Variants in XRCC6 observed in about 807,000 individuals in gnomAD.
XRCC6 encodes X-ray repair cross complementing 6.
In XRCC6, 5 loss-of-function variants were observed where a neutral mutation model predicts 65.7. The observed-to-expected ratio is 0.08, with a 90% CI of 0.04 to 0.16. XRCC6 has a LOEUF of 0.16. Among genes scored for constraint, XRCC6 ranks in the 10% least tolerant of loss-of-function variants. The probability of loss-of-function intolerance (pLI) is 1.00; values close to 1 mark genes in which losing one functional copy is unlikely to be tolerated. For synonymous variants in XRCC6, 270 were observed against 270.6 expected, an observed-to-expected ratio of 1.00 and a Z score of 0.02; for missense variants, 447 against 738.1, an observed-to-expected ratio of 0.61 and a Z score of 4.57.
In XRCC6 at chr22:41,650,676, T is replaced by C. The variant is rs749325571; in HGVS notation, c.961-47T>C. 5.0e-6 allele frequency: 8 copies of C among 1,584,974 alleles called. No individual in the cohort carries two copies. In the South Asian group the frequency reaches 7.8e-5, roughly 15 times the overall value. On this transcript the variant is annotated intron_variant, in intron 7 of 12. Coordinates refer to ENST00000360079, the MANE Select transcript of XRCC6 (RefSeq NM_001469.5). Reference sequence around the variant, plus strand: ...GTCATCATCTTCGAGTTATTTTGCATCTCCTCGTAGCCTTCCCATTTGATC... The same window carrying C: ...GTCATCATCTTCGAGTTATTTTGCACCTCCTCGTAGCCTTCCCATTTGATC...
Position 41,639,742 on chromosome 22 carries a change from A to G in XRCC6, c.773+1951A>G, listed in dbSNP as rs1024808532. ...CAGTGGTGCGGTCTCAGGTCACTGC[A>G]AGCTCCGCCTCCCGGGTTCATGCCA... On this transcript the variant is annotated intron_variant, in intron 6 of 12. Transcript: ENST00000360079. Among the ~76,000 whole-genome samples the G allele has an allele frequency of 8.1e-5, 11 of 136,166 alleles. No individual in the cohort carries two copies. In the South Asian group the frequency reaches 2.5e-3, roughly 31 times the overall value. The allele number at this position is 136,166 out of a possible 152,430, so 89.3% of individuals were successfully genotyped here. A position where few individuals can be genotyped will look rare whatever the true frequency, so the allele number is the denominator to read the frequency against.
chr22:41,624,928 C>T (rs888220549), intron 2 of XRCC6, among the ~76,000 whole-genome samples: 21 of 151,612 alleles, frequency 1.4e-4, no homozygotes, highest in African/African-American at 3.1e-4. Flanking sequence ...ACCCGGGAGG[C>T]GGAGCTTGTA....
chr22:41,632,937 G>T (rs1402263222), intron 3 of XRCC6, among the ~76,000 whole-genome samples: 1 of 151,928 alleles, frequency 6.6e-6, no homozygotes, highest in African/African-American at 2.4e-5. Flanking sequence ...AACCATCCTG[G>T]CCAAAATGGT....
intron 2 of XRCC6, among the ~76,000 whole-genome samples, chr22:41,624,718 C>T (rs945417350): frequency 6.7e-6 from 1 of 149,672 alleles, no homozygotes; most frequent in South Asian, 2.1e-4. Flanking sequence ...AAAAATAAGG[C>T]CGGGCGCGGT....
Position 41,653,687 on chromosome 22 carries a change from C to G in XRCC6, c.1288C>G (p.Pro430Ala), listed in dbSNP as rs1168219605. ...TGACCAGAAAATTCAGGTGACTCCT[C>G]CAGGTATGTGGCAGAGATATTTCCA... is the stretch of plus-strand genomic sequence containing the variant. ...LDDQKIQVTP[P>A]GFQLVFLPFA... The change falls in exon 9 of 13, where the codon CCA (proline) becomes GCA (alanine). Residue 430 changes from proline (P) to alanine (A), a missense_variant. By Grantham distance (27) the Pro-to-Ala change is conservative. This residue lies in a region of XRCC6 where 201 missense variants were observed against 374.1 expected (regional missense o/e 0.54). Coordinates refer to ENST00000360079, the MANE Select transcript of XRCC6 (RefSeq NM_001469.5). 6 of 1,613,522 alleles carry G rather than the reference C, an allele frequency of 3.7e-6. No homozygotes were observed. The African/African-American group carries it at 4.0e-5, about 11-fold the overall frequency.
intron 10 of XRCC6, among the ~76,000 whole-genome samples, chr22:41,657,422 A>C: frequency 6.6e-6 from 1 of 151,780 alleles, no homozygotes; most frequent in East Asian, 1.9e-4. Context: ...CATATATAAT[A>C]GACCAACTCT....
At chr22:41,639,211 CAG>C (rs903239657) in intron 6 of XRCC6, among the ~76,000 whole-genome samples, 5 of 151,730 alleles carry the variant, frequency 3.3e-5, no homozygotes, top group South Asian at 2.1e-4. Context: ...GAGCACAAAA[CAG>C]AGCCTGTTAG....
intron 7 of XRCC6, among the ~76,000 whole-genome samples, chr22:41,649,541 A>G (rs948279228): frequency 3.9e-5 from 6 of 152,020 alleles, no homozygotes; most frequent in Non-Finnish European, 8.8e-5. Flanking sequence ...AGTACCTGAC[A>G]TAGGTCCTCT....
rs534403228 is a variant in XRCC6 at position 41,663,542 on chromosome 22, C to T, written c.1637-80C>T. 43 of 1,483,106 alleles carry T rather than the reference C, an allele frequency of 2.9e-5. No individual in the cohort carries two copies. In the East Asian group the frequency reaches 5.5e-4, roughly 19 times the overall value. The allele number at this position is 1,483,106 out of a possible 1,614,324, so 91.9% of individuals were successfully genotyped here. A position where few individuals can be genotyped will look rare whatever the true frequency, so the allele number is the denominator to read the frequency against. On this transcript the variant is annotated intron_variant, in intron 12 of 12. Coordinates refer to ENST00000360079, the MANE Select transcript of XRCC6 (RefSeq NM_001469.5). ...ATGGTTAATTGCAGCCCAGATTATA[C>T]GAGGTCCCCCATGCCATGTAGCTGG...
chr22:41,658,173 T>A, intron 10 of XRCC6, 79 bp from the exon 11 acceptor site: 1 of 1,437,254 alleles, frequency 7.0e-7, no homozygotes, highest in East Asian at 2.3e-5. Context: ...GGACCTGTAG[T>A]ATCTCAGGTG....
At position 41,632,826 on chromosome 22, in the gene XRCC6, GAAAAA is replaced by G. The variant is rs774575798; in HGVS notation, c.196-3276_196-3272del. Among the ~76,000 whole-genome samples, 160 of 130,076 alleles carry G rather than the reference GAAAAA, an allele frequency of 1.2e-3. 1 individual carries two copies. The highest frequency in any genetic ancestry group is 4.3e-3 in the African/African-American group (151 of 35,496). The allele number at this position is 130,076 out of a possible 152,430, so 85.3% of individuals were successfully genotyped here. Reference sequence around the variant, plus strand: ...CAACAGAGTAAGACCCTGTCTCTTGGAAAAAAAAAAAAAAAGAAAAGGCTGGGCGC... The same window carrying G: ...CAACAGAGTAAGACCCTGTCTCTTGGAAAAAAAAAAGAAAAGGCTGGGCGC... On this transcript the variant is annotated intron_variant, in intron 3 of 12. Coordinates refer to ENST00000360079, the MANE Select transcript of XRCC6 (RefSeq NM_001469.5).
At chr22:41,658,455 T>G in intron 11 of XRCC6, 103 bp downstream of exon 11, 2 of 1,055,248 alleles carry the variant, frequency 1.9e-6, no homozygotes, top group Admixed American at 4.2e-5. Flanking sequence ...TCTAAACACT[T>G]AACCTCATTC....
At chr22:41,634,806 G>C (rs1179426027) in intron 3 of XRCC6, among the ~76,000 whole-genome samples, 1 of 152,170 alleles carries the variant, frequency 6.6e-6, no homozygotes, top group Non-Finnish European at 1.5e-5. Context: ...GCCTCCCAAA[G>C]TGCTGGGATT....
At chr22:41,623,169 C>T (rs1030917873) in intron 2 of XRCC6, among the ~76,000 whole-genome samples, 2 of 151,798 alleles carry the variant, frequency 1.3e-5, no homozygotes, top group African/African-American at 4.8e-5. Flanking sequence ...TAACCTCAAA[C>T]TCCCGGGCTC....
intron 3 of XRCC6, among the ~76,000 whole-genome samples, chr22:41,629,310 C>T (rs2067714415): frequency 6.6e-6 from 1 of 152,182 alleles, no homozygotes; most frequent in South Asian, 2.1e-4. Context: ...CCACCTCTAT[C>T]TTATTCCAAA....
At chr22:41,660,737 A>G (rs1258365908) in intron 11 of XRCC6, among the ~76,000 whole-genome samples, 2 of 152,002 alleles carry the variant, frequency 1.3e-5, no homozygotes, top group Non-Finnish European at 2.9e-5. Context: ...CGCTTCTTGC[A>G]TGGTGTTGCC....
intron 2 of XRCC6, among the ~76,000 whole-genome samples, chr22:41,623,448 C>T (rs920729092): frequency 2.0e-5 from 3 of 151,712 alleles, no homozygotes; most frequent in East Asian, 1.9e-4. Context: ...AGTGCAGTGG[C>T]GCGATCTTGG....
chr22:41,623,873 C>T (rs886553581), intron 2 of XRCC6, among the ~76,000 whole-genome samples: 1 of 152,082 alleles, frequency 6.6e-6, no homozygotes, highest in Non-Finnish European at 1.5e-5. Context: ...GGCGTGTGCG[C>T]CACCACACTC....
intron 11 of XRCC6, among the ~76,000 whole-genome samples, chr22:41,660,393 TAATA>T (rs1033417232): frequency 7.2e-5 from 11 of 152,212 alleles, no homozygotes; most frequent in Non-Finnish European, 1.5e-4. Flanking sequence ...TTCAGTTAAA[TAATA>T]AATCCTATTC....
Sources: gnomAD v4.1 joint callset for allele counts (sites outside exome capture counted in the v4.1 genomes callset) on GRCh38, gnomAD v4.1.1 for gene constraint, gnomAD v4.1.1 regional missense constraint, MANE v1.5 for transcripts, NCBI Gene and HGNC (gene_info 2026-07-23, HGNC 2026-07-21) for gene names.